Variants in PIN4 observed in about 807,000 individuals in gnomAD.
PIN4 encodes peptidyl-prolyl cis-trans isomerase NIMA-interacting 4.
Under a neutral mutation model 8.3 loss-of-function variants are expected in PIN4, and 3 were observed. The observed-to-expected ratio is 0.36, with a 90% CI of 0.16 to 0.93. The LOEUF is 0.93. PIN4 is among the 40% of genes least tolerant of loss of function. PIN4 has a pLI of 0.44. For missense variants in PIN4, 75 were observed against 100.6 expected (o/e 0.75, Z 1.09); for synonymous variants, 18 against 32.5 (o/e 0.55, Z 1.52).
At chrX:72,233,680 C>A (rs1171672926) in intron 3 of PIN4, among the ~76,000 whole-genome samples, 1 of 104,974 alleles carries the variant, frequency 9.5e-6, no homozygotes, top group African/African-American at 3.7e-5. Context: ...CGAGATTGCG[C>A]CACCACACTC....
At chrX:72,229,272 G>C (rs1427415492) in intron 3 of PIN4, among the ~76,000 whole-genome samples, 1 of 111,286 alleles carries the variant, frequency 9.0e-6, no homozygotes, top group Non-Finnish European at 1.9e-5. Context: ...AACTAACCGA[G>C]TTAACTACCC....
chrX:72,253,147 ACAT>A (rs1231422594), intron 3 of PIN4, among the ~76,000 whole-genome samples: 1 of 111,566 alleles, frequency 9.0e-6, no homozygotes, highest in Non-Finnish European at 1.9e-5. Flanking sequence ...GAAATTAGAA[ACAT>A]CATCTCTTTC....
At chrX:72,213,019 C>T (rs2042865244) in intron 3 of PIN4, among the ~76,000 whole-genome samples, 1 of 112,435 alleles carries the variant, frequency 8.9e-6, no homozygotes, top group South Asian at 3.7e-4. Context: ...GTTTTCTTCA[C>T]ATGCAAAACA....
At chrX:72,258,791 G>A (rs969721231) in intron 3 of PIN4, among the ~76,000 whole-genome samples, 1 of 110,821 alleles carries the variant, frequency 9.0e-6, no homozygotes, top group Admixed American at 9.7e-5. Flanking sequence ...GGCTCAAATG[G>A]GATTATCTGA....
At chrX:72,201,091 C>T (rs1022200935), downstream of PIN4, among the ~76,000 whole-genome samples, 1 of 110,483 alleles carries the variant, frequency 9.1e-6, no homozygotes, top group East Asian at 2.8e-4. Context: ...GTCTGCTCTT[C>T]AGGAGGGAGG....
chrX:72,210,202 A>AAAATAAATAAATAAAT (rs58086876), intron 3 of PIN4, among the ~76,000 whole-genome samples: 3 of 97,197 alleles, frequency 3.1e-5, no homozygotes, highest in Non-Finnish European at 6.1e-5. Context: ...TGTCTCTTAA[A>AAAATAAATAAATAAAT]AAATAAATAA....
intron 3 of PIN4, among the ~76,000 whole-genome samples, chrX:72,209,016 C>A (rs2042837270): frequency 9.0e-6 from 1 of 111,537 alleles, no homozygotes; most frequent in Admixed American, 9.5e-5. Context: ...TAAAACAAAC[C>A]TCTATGTGTA....
At chrX:72,185,016 C>T (rs367899686) in intron 1 of PIN4, among the ~76,000 whole-genome samples, 2 of 108,382 alleles carry the variant, frequency 1.8e-5, no homozygotes, top group Non-Finnish European at 3.8e-5. Context: ...TGGTGGCAGG[C>T]GCCTGTAGTC....
rs139572093 is a variant in PIN4, at chrX:72,229,858, T to C, written c.313-32849T>C. 3.6e-3 allele frequency among the ~76,000 whole-genome samples: 408 copies of C among 111,896 alleles called. 2 individuals carry two copies. The highest frequency in any genetic ancestry group is 0.013 in the African/African-American group (388 of 30,811). On this transcript the variant is annotated intron_variant, in intron 3 of 3. Coordinates refer to the PIN4 transcript ENST00000423432. Reference sequence around the variant, plus strand: ...TACTTTAAGGCTGTTTCAACAGAACTACAGAACTCATTAGAAGACACAGCC... The same window carrying C: ...TACTTTAAGGCTGTTTCAACAGAACCACAGAACTCATTAGAAGACACAGCC...
At chrX:72,201,922 GC>G (rs760763525), downstream of PIN4, among the ~76,000 whole-genome samples, 4 of 112,865 alleles carry the variant, frequency 3.5e-5, no homozygotes, top group East Asian at 1.1e-3. Context: ...CAGCATAGGA[GC>G]TCAAAACACC....
At chrX:72,238,300 T>C (rs939055204) in intron 3 of PIN4, among the ~76,000 whole-genome samples, 11 of 111,788 alleles carry the variant, frequency 9.8e-5, no homozygotes, top group Non-Finnish European at 1.9e-4. Flanking sequence ...TGGTGAATGT[T>C]TACTCATTTT....
intron 3 of PIN4, among the ~76,000 whole-genome samples, chrX:72,251,241 T>C (rs1390613576): frequency 1.9e-5 from 2 of 105,682 alleles, no homozygotes; most frequent in Admixed American, 2.0e-4. Flanking sequence ...CGGGCGCCTG[T>C]AGTCCCAGCT....
intron 3 of PIN4, among the ~76,000 whole-genome samples, chrX:72,248,291 GAAAAAAAAAAAA>G (rs55908553): frequency 2.0e-4 from 11 of 54,886 alleles, no homozygotes; most frequent in Non-Finnish European, 3.3e-4. Context: ...GCTCCATCCA[GAAAAAAAAAAAA>G]AAAAAAAAAA....
Position 72,204,956 on chromosome X carries a change from G to A in PIN4, c.312+8052G>A, listed in dbSNP as rs761718800. ...ATGTTCCCAAAGAATCCAATTATGG[G>A]AACAAAAATTCCCTCATATTCAGTT... On this transcript the variant is annotated intron_variant, in intron 3 of 3. Coordinates refer to the PIN4 transcript ENST00000423432. 33 of 1,020,627 alleles carry A rather than the reference G, an allele frequency of 3.2e-5. No individual in the cohort carries two copies. In the South Asian group the frequency reaches 4.5e-4, roughly 14 times the overall value. 84.1% of individuals were successfully genotyped at this position (1,020,627 alleles called of 1,213,427 possible). A position where few individuals can be genotyped will look rare whatever the true frequency, so the allele number is the denominator to read the frequency against.
At chrX:72,222,403 A>G (rs1404605360) in intron 3 of PIN4, among the ~76,000 whole-genome samples, 18 of 111,432 alleles carry the variant, frequency 1.6e-4, no homozygotes, top group Non-Finnish European at 2.3e-4. Flanking sequence ...AAGCCCCTAT[A>G]TAAAATCCAG....
intron 3 of PIN4, among the ~76,000 whole-genome samples, chrX:72,237,165 C>G (rs2043021446): frequency 9.0e-6 from 1 of 111,637 alleles, no homozygotes; most frequent in African/African-American, 3.3e-5. Context: ...CAAAGGCTGC[C>G]TATTACAACA....
At chrX:72,193,732 G>A (rs1248791050) in intron 2 of PIN4, among the ~76,000 whole-genome samples, 1 of 110,098 alleles carries the variant, frequency 9.1e-6, no homozygotes, top group Non-Finnish European at 1.9e-5. Context: ...TTAGCTTGGC[G>A]TGGTGACACG....
chrX:72,197,270 C>T (rs955582316), intron 3 of PIN4, 98 bp from the exon 4 acceptor site: 9 of 787,039 alleles, frequency 1.1e-5, no homozygotes, highest in African/African-American at 4.2e-5. Context: ...GAATATACCT[C>T]GTAACCTTAG....
intron 3 of PIN4, among the ~76,000 whole-genome samples, chrX:72,240,584 G>A (rs2043044972): frequency 9.0e-6 from 1 of 110,644 alleles, no homozygotes; most frequent in African/African-American, 3.3e-5. Context: ...CGAGGCGGGC[G>A]GATCACCTGA....
Sources: allele counts gnomAD v4.1 joint callset (sites outside exome capture counted in the v4.1 genomes callset), GRCh38; gene constraint gnomAD v4.1.1; transcripts MANE v1.5; gene names NCBI Gene and HGNC (gene_info 2026-07-23, HGNC 2026-07-21).